The following LRSAM1 variants were observed in gnomAD, a reference collection of about 807,000 sequenced individuals.
The protein encoded by LRSAM1 is leucine rich repeat and sterile alpha motif containing 1.
A neutral mutation model predicts 118.1 loss-of-function variants in LRSAM1; 96 were observed. The ratio of observed to expected loss-of-function variants is 0.81; its 90% CI spans 0.69 to 0.96. LRSAM1 has a LOEUF of 0.96. Among genes scored for constraint, LRSAM1 ranks in the 40% least tolerant of loss-of-function variants. The probability of loss-of-function intolerance (pLI) is 0.00; values close to 1 mark genes in which losing one functional copy is unlikely to be tolerated. For missense variants in LRSAM1, 804 were observed against 915.5 expected, an observed-to-expected ratio of 0.88 and a Z score of 1.57; for synonymous variants, 322 against 364.2, an observed-to-expected ratio of 0.88 and a Z score of 1.32.
intron 24 of LRSAM1, among the ~76,000 whole-genome samples, chr9:127,498,979 C>T (rs1396710401): frequency 1.3e-5 from 2 of 151,836 alleles, no homozygotes; most frequent in African/African-American, 4.8e-5. Context: ...ATTGCTTGAA[C>T]CCAGGAGGCG....
chr9:127,456,878 A>T (rs112336153), intron 5 of LRSAM1, among the ~76,000 whole-genome samples: 3,392 of 152,088 alleles, frequency 0.022, 142 homozygotes, highest in African/African-American at 0.077. Context: ...AAAAAAAAAA[A>T]AAGAAAAGGA....
chr9:127,467,467 G>A (rs370901849), intron 9 of LRSAM1, among the ~76,000 whole-genome samples: 1 of 150,666 alleles, frequency 6.6e-6, no homozygotes, highest in East Asian at 1.9e-4. Flanking sequence ...GGGGGCTGCA[G>A]GTGAAGAAAC....
intron 10 of LRSAM1, 140 bp downstream of exon 10, chr9:127,467,970 G>A: frequency 1.3e-6 from 1 of 792,866 alleles, no homozygotes; most frequent in Non-Finnish European, 2.1e-6. Context: ...TCTGGCAAGG[G>A]AAACAGGCAA....
chr9:127,466,535 T>G (rs1834958825), intron 9 of LRSAM1, among the ~76,000 whole-genome samples: 1 of 103,832 alleles, frequency 9.6e-6, no homozygotes, highest in Non-Finnish European at 1.9e-5. Flanking sequence ...TTTTTTCCAC[T>G]AGAGATGGGG....
intron 4 of LRSAM1, 31 bp downstream of exon 4, chr9:127,455,085 T>C (rs1364971626): frequency 6.2e-7 from 1 of 1,609,546 alleles, no homozygotes; most frequent in Admixed American, 1.7e-5. Context: ...GGCTGTGAAT[T>C]GGATCTGTCC....
intron 10 of LRSAM1, among the ~76,000 whole-genome samples, chr9:127,469,049 G>C (rs1039546718): frequency 4.5e-4 from 69 of 152,124 alleles, no homozygotes; most frequent in Middle Eastern, 6.8e-3. Context: ...GAAAAGGAAA[G>C]CCATAAAGTT....
intron 24 of LRSAM1, among the ~76,000 whole-genome samples, chr9:127,499,923 C>CAAAA (rs1214067775): frequency 8.3e-6 from 1 of 120,560 alleles, no homozygotes. Flanking sequence ...GACTCCATCT[C>CAAAA]AAAAAAAAAA....
intron 7 of LRSAM1, 91 bp from the exon 8 acceptor site, chr9:127,461,082 T>G: frequency 1.1e-6 from 1 of 938,086 alleles, no homozygotes; most frequent in Admixed American, 1.8e-5. Context: ...TCTTGAACTC[T>G]TGACCTTGTG....
chr9:127,492,652 G>A (rs1835971806), intron 20 of LRSAM1, 150 bp from the exon 21 acceptor site: 2 of 718,862 alleles, frequency 2.8e-6, no homozygotes, highest in South Asian at 3.0e-5. Context: ...GGGGGCAGAA[G>A]GGCCTCTTAG....
intron 18 of LRSAM1, among the ~76,000 whole-genome samples, chr9:127,489,165 A>T (rs376818096): frequency 6.5e-4 from 99 of 151,564 alleles, no homozygotes; most frequent in Non-Finnish European, 1.2e-3. Flanking sequence ...TCTGAGTGTC[A>T]CTCCCCATCT....
At chr9:127,470,630 G>C (rs2253411) in intron 10 of LRSAM1, among the ~76,000 whole-genome samples, 61,032 of 151,888 alleles carry the variant, frequency 0.4, 13,728 homozygotes, top group Non-Finnish European at 0.49. Context: ...ATTAGGAGTA[G>C]AATGGATAAC....
At chr9:127,488,163 G>A (rs1207194597) in intron 18 of LRSAM1, among the ~76,000 whole-genome samples, 1 of 152,134 alleles carries the variant, frequency 6.6e-6, no homozygotes, top group African/African-American at 2.4e-5. Context: ...TTCCATCTCT[G>A]CGGTGCTCAG....
chr9:127,456,602 T>C (rs1372033024), intron 5 of LRSAM1, among the ~76,000 whole-genome samples: 3 of 149,446 alleles, frequency 2.0e-5, no homozygotes, highest in Non-Finnish European at 4.4e-5. Flanking sequence ...CGGTGGCTCA[T>C]GCCTGTAATC....
chr9:127,475,556 TGTTAA>T (rs1216424250), intron 11 of LRSAM1, among the ~76,000 whole-genome samples: 4 of 152,106 alleles, frequency 2.6e-5, no homozygotes, highest in Non-Finnish European at 1.5e-5. Context: ...AGGAGAGGCA[TGTTAA>T]GTTAAAACAA....
intron 11 of LRSAM1, among the ~76,000 whole-genome samples, chr9:127,475,152 T>C (rs2132051319): frequency 6.6e-6 from 1 of 152,178 alleles, no homozygotes; most frequent in East Asian, 1.9e-4. Context: ...CAGAAAATAT[T>C]TGCAACACAG....
chr9:127,475,745 T>A (rs2250024), intron 11 of LRSAM1, among the ~76,000 whole-genome samples: 97,617 of 151,450 alleles, frequency 0.64, 31,691 homozygotes, highest in Admixed American at 0.66. Context: ...TTTATTATTT[T>A]TTTATTTTTT....
Position 127,489,478 on chromosome 9 carries a change from A to G in LRSAM1, c.1382A>G (p.Gln461Arg). Residue 461 changes from glutamine (Q) to arginine (R), a missense_variant, in exon 19 of 26, where the codon CAG (glutamine) becomes CGG (arginine). Coordinates refer to ENST00000300417, the MANE Select transcript of LRSAM1 (RefSeq NM_001005373.4). ...AMQKAAFEAL[Q>R]VKKDLMHRQI... ...CAGAAGGCTGCGTTCGAGGCACTCCAGGTGAAGAAAGACCTGATGCATCGG... is the reference window on the plus strand; with the variant it reads ...CAGAAGGCTGCGTTCGAGGCACTCCGGGTGAAGAAAGACCTGATGCATCGG... 2 of 1,610,304 alleles carry G rather than the reference A, an allele frequency of 1.2e-6. No individual in the cohort carries two copies. The highest frequency in any genetic ancestry group is 1.7e-6 in the Non-Finnish European group (2 of 1,178,868).
chr9:127,497,240 TG>T lies in LRSAM1; in HGVS notation c.1831-12del, dbSNP rs776691533. 3.7e-6 allele frequency: 6 copies of T among 1,612,722 alleles called. No individual in the cohort carries two copies. The African/African-American group carries it at 8.0e-5, about 22-fold the overall frequency. On this transcript the variant is annotated splice_polypyrimidine_tract_variant and intron_variant, in intron 23 of 25. Transcript: ENST00000300417. ...GCCCAGGCCACAGTCTGCACTTCCT[TG>T]AACTGTCACAGGTGGGCGTCTCAGA...
chr9:127,487,842 C>T (rs537302373), intron 18 of LRSAM1, 79 bp downstream of exon 18: 21 of 1,249,744 alleles, frequency 1.7e-5, no homozygotes, highest in African/African-American at 3.0e-5. Flanking sequence ...GAGCTCCACA[C>T]GGAGCCCTTC....
Sources: gnomAD v4.1 joint callset for allele counts (sites outside exome capture counted in the v4.1 genomes callset) on GRCh38, gnomAD v4.1.1 for gene constraint, MANE v1.5 for transcripts, NCBI Gene and HGNC (gene_info 2026-07-23, HGNC 2026-07-21) for gene names.